The following MAGI1 variants were observed in gnomAD, a reference collection of about 807,000 sequenced individuals.
The protein encoded by MAGI1 is membrane associated guanylate kinase, WW and PDZ domain containing 1.
In MAGI1, 58 loss-of-function variants were observed where a neutral mutation model predicts 139.9. The ratio of observed to expected loss-of-function variants is 0.41; its 90% CI spans 0.34 to 0.52. The LOEUF is 0.52. MAGI1 is among the 20% of genes least tolerant of loss of function. The pLI is 0.12. For missense variants in MAGI1, 1,874 were observed against 1,901.6 expected (o/e 0.99, Z 0.27); for synonymous variants, 812 against 737.9 (o/e 1.10, Z -1.63).
rs540095685 is a variant in MAGI1, at chr3:65,673,612, A to G, written c.314-51524T>C. Among the ~76,000 whole-genome samples the G allele has an allele frequency of 3.9e-5, 6 of 152,228 alleles. No homozygotes were observed. In the South Asian group the frequency reaches 1.2e-3, roughly 32 times the overall value. Reference sequence around the variant, plus strand: ...GCCCACACTGAGCCTCAGTTTCGTTATCTGTGAGGTAAGGACCATGGACAG... The same window carrying G: ...GCCCACACTGAGCCTCAGTTTCGTTGTCTGTGAGGTAAGGACCATGGACAG... On this transcript the variant is annotated intron_variant, in intron 1 of 22. Transcript: ENST00000402939.
At chr3:65,586,388 C>T (rs976549664) in intron 2 of MAGI1, among the ~76,000 whole-genome samples, 2 of 151,982 alleles carry the variant, frequency 1.3e-5, no homozygotes. Flanking sequence ...GGATTGACTA[C>T]AAATGGTCAG....
intron 1 of MAGI1, among the ~76,000 whole-genome samples, chr3:65,736,005 C>T (rs995808477): frequency 1.2e-4 from 18 of 152,134 alleles, no homozygotes; most frequent in African/African-American, 4.3e-4. Context: ...CAATCTGAAC[C>T]CACATCTTCA....
intron 14 of MAGI1, among the ~76,000 whole-genome samples, chr3:65,390,690 T>C (rs1370453139): frequency 6.6e-6 from 1 of 152,126 alleles, no homozygotes; most frequent in Non-Finnish European, 1.5e-5. Flanking sequence ...ATTATAATGG[T>C]TAAAAAAAAT....
intron 1 of MAGI1, among the ~76,000 whole-genome samples, chr3:65,725,017 T>C (rs143905280): frequency 1.0e-3 from 152 of 152,118 alleles, no homozygotes; most frequent in African/African-American, 3.6e-3. Flanking sequence ...ACAGCATAAA[T>C]TAAAATCCCA....
intron 1 of MAGI1, among the ~76,000 whole-genome samples, chr3:65,974,028 G>A (rs972778082): frequency 6.6e-6 from 1 of 152,014 alleles, no homozygotes; most frequent in African/African-American, 2.4e-5. Flanking sequence ...GATGTTGATT[G>A]TTCCTTTTTC....
intron 2 of MAGI1, among the ~76,000 whole-genome samples, chr3:65,506,378 G>T (rs2077289743): frequency 6.6e-6 from 1 of 152,094 alleles, no homozygotes; most frequent in African/African-American, 2.4e-5. Context: ...GCTTCTAAAG[G>T]GAAATGGTTA....
chr3:65,509,028 G>A (rs541427285), intron 2 of MAGI1, among the ~76,000 whole-genome samples: 4 of 152,164 alleles, frequency 2.6e-5, no homozygotes, highest in South Asian at 2.1e-4. Context: ...GCTCTTACAA[G>A]AAGTTTTCAC....
intron 1 of MAGI1, among the ~76,000 whole-genome samples, chr3:65,979,735 T>A (rs2065468434): frequency 3.3e-5 from 5 of 152,262 alleles, no homozygotes; most frequent in African/African-American, 1.2e-4. Context: ...AGGGTGCTCA[T>A]AAAGGAAAAG....
intron 5 of MAGI1, among the ~76,000 whole-genome samples, chr3:65,453,991 T>C (rs1405330839): frequency 6.6e-6 from 1 of 152,194 alleles, no homozygotes; most frequent in Non-Finnish European, 1.5e-5. Context: ...AGTTCAATTC[T>C]AGATGAAGTA....
intron 1 of MAGI1, among the ~76,000 whole-genome samples, chr3:65,766,804 G>A (rs769584999): frequency 2.6e-4 from 40 of 152,106 alleles, no homozygotes; most frequent in African/African-American, 9.2e-4. Flanking sequence ...CAGGAGAATC[G>A]CTTAAACCTG....
In MAGI1 at chr3:66,038,136, C is replaced by T. The variant is rs761581552; in HGVS notation, c.173G>A (p.Gly58Asp). 3 of 1,612,048 alleles carry T rather than the reference C, an allele frequency of 1.9e-6. No homozygotes were observed. The Admixed American group carries it at 5.0e-5, about 27-fold the overall frequency. Residue 58 changes from glycine to aspartate, a missense_variant, in exon 1 of 23, where the codon GGC (glycine) becomes GAC (aspartate). Around this residue, in one of 5 missense-constraint regions of MAGI1, gnomAD observed 648 missense variants for 598.1 expected, o/e 1.08. Transcript: ENST00000402939. ...AAVEAAGLPG[G>D]GEGPRLGEGE... ...TTCGCCCAGCCTCGGGCCCTCGCCG[C>T]CGCCGGGAAGCCCCGCTGCCTCGAC...
At chr3:65,437,069 T>TA in intron 10 of MAGI1, 86 bp downstream of exon 10, 1 of 781,168 alleles carries the variant, frequency 1.3e-6, no homozygotes, top group South Asian at 2.1e-5. Flanking sequence ...ACTTGGGAGT[T>TA]ACGAGATTCC....
At chr3:65,650,059 GTGACCT>G (rs1163893616) in intron 1 of MAGI1, among the ~76,000 whole-genome samples, 1 of 152,144 alleles carries the variant, frequency 6.6e-6, no homozygotes, top group Non-Finnish European at 1.5e-5. Flanking sequence ...GTTGAGAGGT[GTGACCT>G]TTAAGAGGTG....
At chr3:65,382,880 C>T (rs1943166691) in intron 15 of MAGI1, among the ~76,000 whole-genome samples, 1 of 152,178 alleles carries the variant, frequency 6.6e-6, no homozygotes, top group Non-Finnish European at 1.5e-5. Context: ...GCCTTTAGCA[C>T]AGAACCTGGC....
At chr3:65,459,643 C>T (rs904686152) in intron 5 of MAGI1, among the ~76,000 whole-genome samples, 34 of 152,136 alleles carry the variant, frequency 2.2e-4, no homozygotes, top group African/African-American at 8.0e-4. Flanking sequence ...GAAATTCCAG[C>T]ATGATGTTGA....
chr3:65,517,067 C>T (rs1417791906), intron 2 of MAGI1, among the ~76,000 whole-genome samples: 1 of 152,156 alleles, frequency 6.6e-6, no homozygotes, highest in Non-Finnish European at 1.5e-5. Flanking sequence ...GGGATTAAAA[C>T]CCAGGTTTTC....
intron 1 of MAGI1, among the ~76,000 whole-genome samples, chr3:65,843,496 G>A (rs1454356118): frequency 6.6e-6 from 1 of 152,134 alleles, no homozygotes; most frequent in Non-Finnish European, 1.5e-5. Flanking sequence ...AAAACTTGTG[G>A]AGTAAAGTAA....
intron 2 of MAGI1, among the ~76,000 whole-genome samples, chr3:65,611,028 T>C (rs1434419647): frequency 1.5e-5 from 2 of 129,270 alleles, no homozygotes; most frequent in African/African-American, 2.9e-5. Flanking sequence ...ATAGTGTGTA[T>C]ATAGTATATA....
intron 1 of MAGI1, chr3:65,844,040 G>T: frequency 2.5e-6 from 1 of 392,512 alleles, no homozygotes; most frequent in Non-Finnish European, 5.0e-6. Context: ...TCTAAAAGAT[G>T]TCACTTGACA....
Sources: gnomAD v4.1 joint callset for allele counts (sites outside exome capture counted in the v4.1 genomes callset) on GRCh38, gnomAD v4.1.1 for gene constraint, gnomAD v4.1.1 regional missense constraint, MANE v1.5 for transcripts, NCBI Gene and HGNC (gene_info 2026-07-23, HGNC 2026-07-21) for gene names.